Variants in DNAH7 observed in about 807,000 individuals in gnomAD.
The protein encoded by DNAH7 is dynein axonemal heavy chain 7, also known as axonemal beta dynein heavy chain 7.
In DNAH7, 397 loss-of-function variants were observed where a neutral mutation model predicts 444.6. That is an observed-to-expected ratio of 0.89 (90% CI 0.82 to 0.97). The LOEUF is 0.97. Ranked by LOEUF, DNAH7 falls within the 50% of genes least tolerant of loss-of-function variation. DNAH7 has a pLI of 0.00. For missense variants in DNAH7, 4,902 were observed against 4,800.8 expected (o/e 1.02, Z -0.62); for synonymous variants, 1,636 against 1,624.4 (o/e 1.01, Z -0.17).
chr2:195,884,540 A>C, intron 35 of DNAH7, 45 bp downstream of exon 35: 1 of 1,411,646 alleles, frequency 7.1e-7, no homozygotes, highest in Non-Finnish European at 1.0e-6. Flanking sequence ...CAGAGAGGGG[A>C]CTCTGCCAGG....
chr2:195,815,737 T>C (rs1167255633), intron 51 of DNAH7, among the ~76,000 whole-genome samples: 3 of 152,038 alleles, frequency 2.0e-5, no homozygotes. Context: ...GCATGGTGGC[T>C]CACGCCTGTA....
At chr2:196,026,518 A>G (rs56922691) in intron 7 of DNAH7, among the ~76,000 whole-genome samples, 8,497 of 152,250 alleles carry the variant, frequency 0.056, 377 homozygotes, top group African/African-American at 0.13. Flanking sequence ...TTAATGCTTT[A>G]TAATTTTCTT....
rs375992015 is a variant in DNAH7, at chr2:196,029,975, T to C, written c.399-1928A>G. Among the ~76,000 whole-genome samples the C allele has an allele frequency of 3.2e-4, 49 of 152,316 alleles. 1 individual carries two copies. In the South Asian group the frequency reaches 9.9e-3, roughly 31 times the overall value. On this transcript the variant is annotated intron_variant, in intron 5 of 64. Coordinates refer to ENST00000312428, the MANE Select transcript of DNAH7 (RefSeq NM_018897.3). ...TGGTAGTGAAATAATTTTAACCCATTAATTATGAAGAAACTAGAAGAAAAG... is the reference window on the plus strand; with the variant it reads ...TGGTAGTGAAATAATTTTAACCCATCAATTATGAAGAAACTAGAAGAAAAG...
chr2:195,940,174 T>G (rs544601534), intron 19 of DNAH7, among the ~76,000 whole-genome samples: 86 of 151,922 alleles, frequency 5.7e-4, no homozygotes, highest in African/African-American at 1.8e-3. Flanking sequence ...CCAAAACAGA[T>G]ATATAGACCA....
intron 36 of DNAH7, among the ~76,000 whole-genome samples, chr2:195,879,426 C>A (rs1388520234): frequency 3.9e-5 from 6 of 152,092 alleles, no homozygotes; most frequent in Non-Finnish European, 1.5e-5. Flanking sequence ...GAATGTTGCC[C>A]TAATTCCAGG....
chr2:195,744,306 G>T (rs1199062870), intron 63 of DNAH7, among the ~76,000 whole-genome samples: 1 of 152,210 alleles, frequency 6.6e-6, no homozygotes, highest in African/African-American at 2.4e-5. Flanking sequence ...CAGTGAGGCT[G>T]GGGGAGGGGC....
At chr2:196,054,071 A>G (rs568044999) in intron 2 of DNAH7, among the ~76,000 whole-genome samples, 1 of 152,240 alleles carries the variant, frequency 6.6e-6, no homozygotes, top group Non-Finnish European at 1.5e-5. Context: ...TTTGTCAGAT[A>G]GTATTAATTA....
chr2:195,876,771 T>C, intron 36 of DNAH7, 72 bp from the exon 37 acceptor site: 2 of 1,035,456 alleles, frequency 1.9e-6, no homozygotes, highest in Admixed American at 2.2e-5. Context: ...ACACTAAGCA[T>C]CATTACTGAT....
chr2:195,872,296 T>C lies in DNAH7; in HGVS notation c.6587A>G (p.Glu2196Gly). The C allele has an allele frequency of 6.2e-7, 1 of 1,613,978 alleles. No individual in the cohort carries two copies. Among genetic ancestry groups the C allele is most frequent in the African/African-American group, 1.3e-5 (1 of 75,048 alleles). Reference protein sequence around the residue: ...VIQGVCLSRPETTETTEVIKR... With the variant: ...VIQGVCLSRPGTTETTEVIKR... Reference sequence around the variant, plus strand: ...AATCACTTCTGTGGTTTCTGTTGTTTCTGGTCTTGACAAACAAACACCTTG... The same window carrying C: ...AATCACTTCTGTGGTTTCTGTTGTTCCTGGTCTTGACAAACAAACACCTTG... The change falls in exon 40 of 65, where the codon GAA becomes GGA. Residue 2196 changes from glutamate (E) to glycine (G), a missense_variant. Glu to Gly is a moderately conservative substitution (Grantham distance 98, BLOSUM62 -2). Transcript: ENST00000312428.
intron 33 of DNAH7, among the ~76,000 whole-genome samples, chr2:195,886,759 T>C (rs1009043473): frequency 5.9e-5 from 9 of 152,182 alleles, no homozygotes; most frequent in Admixed American, 2.0e-4. Context: ...CTTTACTCTT[T>C]TGCTTGTCAC....
At chr2:195,827,113 A>C (rs1397302536) in intron 48 of DNAH7, among the ~76,000 whole-genome samples, 8 of 152,176 alleles carry the variant, frequency 5.3e-5, no homozygotes, top group Admixed American at 5.2e-4. Context: ...CCCTGGATGC[A>C]ATGTGCCCAT....
chr2:195,839,650 A>C (rs936922746), intron 47 of DNAH7, among the ~76,000 whole-genome samples: 3 of 151,872 alleles, frequency 2.0e-5, no homozygotes, highest in African/African-American at 7.2e-5. Flanking sequence ...AAGAATACAC[A>C]AATTATCAAA....
intron 46 of DNAH7, among the ~76,000 whole-genome samples, chr2:195,851,869 G>A (rs543057795): frequency 3.2e-4 from 49 of 152,304 alleles, no homozygotes; most frequent in African/African-American, 1.0e-3. Context: ...TGTCAATGTA[G>A]GAGAGTAGGA....
At chr2:195,855,773 C>A (rs1288937085) in intron 45 of DNAH7, 38 bp downstream of exon 45, 1 of 1,601,552 alleles carries the variant, frequency 6.2e-7, no homozygotes, top group Admixed American at 1.7e-5. Context: ...GTTACGATAA[C>A]TGAGAATTTG....
intron 60 of DNAH7, among the ~76,000 whole-genome samples, chr2:195,772,781 C>CTTTTT (rs201466193): frequency 7.5e-6 from 1 of 133,592 alleles, no homozygotes; most frequent in Non-Finnish European, 1.6e-5. Flanking sequence ...TCTACTGTGA[C>CTTTTT]TTTTTTTTTT....
In DNAH7 at chr2:196,030,661, T is replaced by C. The variant is rs148587394; in HGVS notation, c.399-2614A>G. Among the ~76,000 whole-genome samples, 72 of 152,268 alleles carry C rather than the reference T, an allele frequency of 4.7e-4. 2 individuals carry two copies. Among genetic ancestry groups the C allele is most frequent in the African/African-American group, 1.7e-3 (69 of 41,540 alleles). ...ATACAGCCATTCCAGATGGGAGAAA[T>C]TGGCCAAGACAAAGTGGTTACAGAG... On this transcript the variant is annotated intron_variant, in intron 5 of 64. Coordinates refer to ENST00000312428, the MANE Select transcript of DNAH7 (RefSeq NM_018897.3).
At chr2:195,956,700 AGT>A (rs1690687890) in intron 19 of DNAH7, among the ~76,000 whole-genome samples, 1 of 150,056 alleles carries the variant, frequency 6.7e-6, no homozygotes, top group Non-Finnish European at 1.5e-5. Flanking sequence ...ACTTTTTTTT[AGT>A]GTTACTGGTT....
intron 12 of DNAH7, chr2:195,999,167 A>C (rs1693888208): frequency 2.8e-6 from 2 of 717,370 alleles, no homozygotes; most frequent in African/African-American, 1.7e-5. Flanking sequence ...TGAGGAGACG[A>C]AACTTCAGAA....
rs763651023 is a variant in DNAH7, at chr2:195,858,648, C to T, written c.7893G>A (p.Glu2631=). ...TTTTGGCAACTTCTACAGACTCTTT[C>T]TCAATCATTATCATCATTTCATCAA... The part of the protein sequence containing the change: ...KEVDEMMIMI[E]KESVEVAKTE... Residue 2631 remains glutamate (E), a synonymous_variant, in exon 43 of 65, where the codon GAG becomes GAA. Transcript: ENST00000312428. 33 of 1,613,934 alleles carry T rather than the reference C, an allele frequency of 2.0e-5. No homozygotes were observed. In the East Asian group the frequency reaches 6.5e-4, roughly 32 times the overall value.
Sources: allele counts gnomAD v4.1 joint callset (sites outside exome capture counted in the v4.1 genomes callset), GRCh38; gene constraint gnomAD v4.1.1; transcripts MANE v1.5; gene names NCBI Gene and HGNC (gene_info 2026-07-23, HGNC 2026-07-21).